The following SH3KBP1 variants were observed in gnomAD, a reference collection of about 807,000 sequenced individuals.
SH3KBP1 encodes the protein SH3 domain-containing kinase-binding protein 1.
Under a neutral mutation model 50.1 loss-of-function variants are expected in SH3KBP1, and 8 were observed. The ratio of observed to expected loss-of-function variants is 0.16; its 90% CI spans 0.09 to 0.29. The LOEUF is 0.29. Ranked by LOEUF, SH3KBP1 falls within the 10% of genes least tolerant of loss-of-function variation. The pLI is 1.00. For missense variants in SH3KBP1, 377 were observed against 535.2 expected (o/e 0.70, Z 2.92); for synonymous variants, 227 against 218.6 (o/e 1.04, Z -0.34).
At chrX:19,575,385 G>T (rs1419342699) in intron 12 of SH3KBP1, among the ~76,000 whole-genome samples, 1 of 111,319 alleles carries the variant, frequency 9.0e-6, no homozygotes, top group Non-Finnish European at 1.9e-5. Flanking sequence ...TCTGGGATTT[G>T]CCTGCAGGCC....
Position 19,697,523 on chromosome X carries a change from C to T in SH3KBP1, c.391-1782G>A, listed in dbSNP as rs989352665. ...CATTACAAATCTTCACTAGGGGCTG[C>T]GGGACATAGAACTGTATAGGACAAG... On this transcript the variant is annotated intron_variant, in intron 4 of 17. Coordinates refer to ENST00000397821, the MANE Select transcript of SH3KBP1 (RefSeq NM_031892.3). Among the ~76,000 whole-genome samples, 3 of 111,732 alleles carry T rather than the reference C, an allele frequency of 2.7e-5. No individual in the cohort carries two copies. The East Asian group carries it at 8.5e-4, about 31-fold the overall frequency.
At chrX:19,559,778 T>G (rs1300010064) in intron 13 of SH3KBP1, among the ~76,000 whole-genome samples, 1 of 111,408 alleles carries the variant, frequency 9.0e-6, no homozygotes, top group Non-Finnish European at 1.9e-5. Flanking sequence ...CCTCCTTCAA[T>G]GTCACTGGAA....
intron 3 of SH3KBP1, among the ~76,000 whole-genome samples, chrX:19,737,072 A>G (rs2064606882): frequency 9.1e-6 from 1 of 109,878 alleles, no homozygotes; most frequent in African/African-American, 3.3e-5. Context: ...ATGCCCGGCT[A>G]ATTTTTGTAT....
intron 2 of SH3KBP1, among the ~76,000 whole-genome samples, chrX:19,795,515 T>G (rs1243758532): frequency 9.0e-6 from 1 of 111,635 alleles, no homozygotes; most frequent in Non-Finnish European, 1.9e-5. Flanking sequence ...TCCTCCTCCA[T>G]GTTCACATTT....
intron 8 of SH3KBP1, among the ~76,000 whole-genome samples, chrX:19,631,498 G>A (rs2061575509): frequency 9.4e-6 from 1 of 106,188 alleles, no homozygotes; most frequent in South Asian, 3.7e-4. Flanking sequence ...CATGACCAGC[G>A]TTTTAAAAAA....
chrX:19,819,714 A>G (rs1323666957), intron 2 of SH3KBP1, among the ~76,000 whole-genome samples: 1 of 110,381 alleles, frequency 9.1e-6, no homozygotes, highest in Non-Finnish European at 1.9e-5. Context: ...TTTCACCTTC[A>G]ATGATTACTG....
intron 2 of SH3KBP1, among the ~76,000 whole-genome samples, chrX:19,802,334 G>A (rs2066918426): frequency 9.0e-6 from 1 of 111,215 alleles, no homozygotes; most frequent in African/African-American, 3.3e-5. Context: ...GGCGCAGGTT[G>A]CAGTGAGCCA....
chrX:19,666,741 G>A (rs1018054874), intron 6 of SH3KBP1, among the ~76,000 whole-genome samples: 3 of 111,538 alleles, frequency 2.7e-5, no homozygotes, highest in African/African-American at 9.8e-5. Context: ...GCATTGCTGA[G>A]ACTTCCACCG....
chrX:19,606,988 G>A (rs1398721878), intron 9 of SH3KBP1, among the ~76,000 whole-genome samples: 4 of 112,809 alleles, frequency 3.5e-5, no homozygotes, highest in Non-Finnish European at 7.5e-5. Flanking sequence ...TGGTCTATGG[G>A]CCGTAATCTT....
chrX:19,586,451 C>A (rs1423085128), intron 12 of SH3KBP1, among the ~76,000 whole-genome samples: 1 of 112,259 alleles, frequency 8.9e-6, no homozygotes, highest in African/African-American at 3.2e-5. Context: ...TTGTATAGCT[C>A]GTATTCTTTT....
chrX:19,735,662 T>A (rs915732604), intron 3 of SH3KBP1, among the ~76,000 whole-genome samples: 2 of 102,049 alleles, frequency 2.0e-5, no homozygotes, highest in East Asian at 6.3e-4. Context: ...TCCATTGTGA[T>A]TGGAGAATAT....
At chrX:19,644,206 GAGGCTGGGA>G (rs1432659489) in intron 7 of SH3KBP1, among the ~76,000 whole-genome samples, 4 of 111,765 alleles carry the variant, frequency 3.6e-5, no homozygotes, top group African/African-American at 1.3e-4. Flanking sequence ...ACAGTTACCA[GAGGCTGGGA>G]AGGGTAGTTG....
chrX:19,570,171 T>C (rs1368710957), intron 12 of SH3KBP1, among the ~76,000 whole-genome samples: 1 of 111,686 alleles, frequency 9.0e-6, no homozygotes, highest in African/African-American at 3.3e-5. Flanking sequence ...CTGGAATGGC[T>C]TGTGGTCTAA....
intron 2 of SH3KBP1, among the ~76,000 whole-genome samples, chrX:19,793,716 C>T (rs2066615269): frequency 9.0e-6 from 1 of 111,686 alleles, no homozygotes; most frequent in Non-Finnish European, 1.9e-5. Context: ...CATTAACCTA[C>T]TTCAGATGCT....
rs142257211 is a variant in SH3KBP1, at chrX:19,803,098, G to A, written c.162+33027C>T. Among the ~76,000 whole-genome samples, 87 of 111,592 alleles carry A rather than the reference G, an allele frequency of 7.8e-4. 1 individual carries two copies. The East Asian group carries it at 0.023, about 29-fold the overall frequency. Reference sequence around the variant, plus strand: ...CAACGTGCAGGAAATCCCTTATCCAGATCACACTTAGCGCTCTGCTTCTCG... The same window carrying A: ...CAACGTGCAGGAAATCCCTTATCCAAATCACACTTAGCGCTCTGCTTCTCG... On this transcript the variant is annotated intron_variant, in intron 2 of 17. Coordinates refer to ENST00000397821, the MANE Select transcript of SH3KBP1 (RefSeq NM_031892.3).
chrX:19,780,345 C>A (rs1243570711), intron 2 of SH3KBP1, among the ~76,000 whole-genome samples: 1 of 88,762 alleles, frequency 1.1e-5, no homozygotes, highest in African/African-American at 4.2e-5. Context: ...GATATTAGCC[C>A]TTTGTCAGAT....
At chrX:19,658,626 G>A (rs775715335) in intron 6 of SH3KBP1, among the ~76,000 whole-genome samples, 1 of 110,242 alleles carries the variant, frequency 9.1e-6, no homozygotes, top group South Asian at 3.9e-4. Flanking sequence ...GTGCAGTGGC[G>A]CGATCTCAGC....
chrX:19,632,954 G>A (rs1053574596), intron 7 of SH3KBP1, among the ~76,000 whole-genome samples: 3 of 112,052 alleles, frequency 2.7e-5, no homozygotes, highest in East Asian at 2.8e-4. Context: ...CATCAGGCCC[G>A]TTCCTGCAGA....
intron 1 of SH3KBP1, among the ~76,000 whole-genome samples, chrX:19,872,578 T>C (rs1338451217): frequency 9.1e-6 from 1 of 109,626 alleles, no homozygotes; most frequent in African/African-American, 3.3e-5. Flanking sequence ...GAGACCATCC[T>C]GGCTAACACG....
Sources: gnomAD v4.1 joint callset for allele counts (sites outside exome capture counted in the v4.1 genomes callset) on GRCh38, gnomAD v4.1.1 for gene constraint, MANE v1.5 for transcripts, NCBI Gene and HGNC (gene_info 2026-07-23, HGNC 2026-07-21) for gene names.